PDIA3: variants seen among roughly 807,000 people sequenced by gnomAD.
The protein encoded by PDIA3 is protein disulfide isomerase family A member 3.
A neutral mutation model predicts 56.9 loss-of-function variants in PDIA3; 16 were observed. The ratio of observed to expected loss-of-function variants is 0.28; its 90% CI spans 0.19 to 0.43. The LOEUF is 0.43. Among genes scored for constraint, PDIA3 ranks in the 20% least tolerant of loss-of-function variants. The pLI is 1.00. For missense variants in PDIA3, 485 were observed against 621.3 expected, an observed-to-expected ratio of 0.78 and a Z score of 2.33; for synonymous variants, 192 against 216.5, an observed-to-expected ratio of 0.89 and a Z score of 0.99.
At chr15:43,766,967 A>G in intron 8 of PDIA3, 57 bp downstream of exon 8, 15 of 1,424,468 alleles carry the variant, frequency 1.1e-5, no homozygotes, top group Non-Finnish European at 1.5e-5. Context: ...CTTTTATACT[A>G]CAAAGGATTT....
At chr15:43,762,435 C>T (rs941493282) in intron 4 of PDIA3, among the ~76,000 whole-genome samples, 3 of 150,468 alleles carry the variant, frequency 2.0e-5, no homozygotes, top group African/African-American at 4.9e-5. Context: ...CGCTTGAACC[C>T]GGGAGGCGGA....
intron 7 of PDIA3, 90 bp downstream of exon 7, chr15:43,766,102 T>C: frequency 9.6e-7 from 1 of 1,040,956 alleles, no homozygotes; most frequent in Non-Finnish European, 1.3e-6. Flanking sequence ...CTTAAGAATC[T>C]GTAAAACAAT....
At position 43,771,308 on chromosome 15, in the gene PDIA3, T is replaced by A; in HGVS notation, c.*90T>A. 2 of 771,862 alleles carry A rather than the reference T, an allele frequency of 2.6e-6. No homozygotes were observed. Among genetic ancestry groups the A allele is most frequent in the Non-Finnish European group, 4.4e-6 (2 of 456,166 alleles). The allele number at this position is 771,862 out of a possible 1,614,324, so 47.8% of individuals were successfully genotyped here. A position where few individuals can be genotyped will look rare whatever the true frequency, so the allele number is the denominator to read the frequency against. Reference sequence around the variant, plus strand: ...GGACTAGGACCCATATGGGAATTATTACCTCTCAGGGCCGAGAGGACAGAA... The same window carrying A: ...GGACTAGGACCCATATGGGAATTATAACCTCTCAGGGCCGAGAGGACAGAA... On this transcript the variant is annotated 3_prime_UTR_variant, in exon 13 of 13. Transcript: ENST00000300289.
chr15:43,755,372 T>C (rs10163069), intron 2 of PDIA3, among the ~76,000 whole-genome samples: 120,926 of 152,144 alleles, frequency 0.79, 48,670 homozygotes, highest in East Asian at 1. Flanking sequence ...CCTAAACTGC[T>C]ATGTGATAAT....
chr15:43,759,641 C>G (rs1201525321), intron 3 of PDIA3, among the ~76,000 whole-genome samples: 1 of 152,148 alleles, frequency 6.6e-6, no homozygotes, highest in African/African-American at 2.4e-5. Flanking sequence ...ACCCAAGTAT[C>G]TTATCAGTGA....
intron 1 of PDIA3, chr15:43,751,602 T>G: frequency 7.7e-7 from 1 of 1,304,112 alleles, no homozygotes; most frequent in Non-Finnish European, 1.0e-6. Flanking sequence ...CTGCTGGATT[T>G]GAAGAGGAGA....
chr15:43,771,339 A>G lies in PDIA3; in HGVS notation c.*121A>G. On this transcript the variant is annotated 3_prime_UTR_variant, in exon 13 of 13. Transcript: ENST00000300289. ...TCAGGGCCGAGAGGACAGAATGGAT[A>G]TAATCTGAATCCTGTTAAATTTTCT... 3.3e-6 allele frequency: 2 copies of G among 600,704 alleles called. No individual in the cohort carries two copies. The highest frequency in any genetic ancestry group is 4.4e-4 in the Middle Eastern group (1 of 2,260). The allele number at this position is 600,704 out of a possible 1,614,324, so 37.2% of individuals were successfully genotyped here.
chr15:43,750,171 ATTTTTTTTTT>A (rs781370240), intron 1 of PDIA3, among the ~76,000 whole-genome samples: 2 of 117,406 alleles, frequency 1.7e-5, no homozygotes, highest in Non-Finnish European at 3.6e-5. Flanking sequence ...TGTCTGGCTA[ATTTTTTTTTT>A]TTTTTTTTTT....
chr15:43,768,029 T>C (rs181369058), intron 8 of PDIA3, among the ~76,000 whole-genome samples: 180 of 152,014 alleles, frequency 1.2e-3, no homozygotes, highest in African/African-American at 4.1e-3. Context: ...TTCCCCCCCC[T>C]CATCCCTACA....
intron 1 of PDIA3, 98 bp downstream of exon 1, chr15:43,746,804 A>G (rs1227258405): frequency 7.6e-7 from 1 of 1,323,200 alleles, no homozygotes; most frequent in South Asian, 1.2e-5. Context: ...GGGGCCCTTC[A>G]TTCCTGTGGG....
chr15:43,752,932 G>A (rs1274659012), intron 1 of PDIA3: 1 of 466,484 alleles, frequency 2.1e-6, no homozygotes, highest in Non-Finnish European at 4.5e-6. Flanking sequence ...TGCTTCTGGT[G>A]GCCCTCTGGG....
chr15:43,749,252 C>T (rs1162589666), intron 1 of PDIA3, among the ~76,000 whole-genome samples: 1 of 151,980 alleles, frequency 6.6e-6, no homozygotes, highest in Non-Finnish European at 1.5e-5. Flanking sequence ...CACCACCAAG[C>T]CCGGCTAATT....
chr15:43,768,635 G>A lies in PDIA3; in HGVS notation c.1137+38G>A, dbSNP rs750524482. The A allele has an allele frequency of 8.4e-6, 11 of 1,306,730 alleles. No individual in the cohort carries two copies. The South Asian group carries it at 1.3e-4, about 15-fold the overall frequency. The allele number at this position is 1,306,730 out of a possible 1,614,324, so 80.9% of individuals were successfully genotyped here. A position where few individuals can be genotyped will look rare whatever the true frequency, so the allele number is the denominator to read the frequency against. On this transcript the variant is annotated intron_variant, in intron 9 of 12. Transcript: ENST00000300289. ...CAGCCTCATCAAGCTATGAGCAATT[G>A]CCTGTCCTCATTTCTTTGTTCCAAA...
rs539582066 is a variant in PDIA3, at chr15:43,759,146, C to T, written c.365-2278C>T. On this transcript the variant is annotated intron_variant, in intron 3 of 12. Transcript: ENST00000300289. The stretch of plus-strand genomic sequence containing the variant: ...TCTACTAAAAATACAAAAAATTAGC[C>T]GGGTGCAGTGGCGGGTGCCTGTAGT... 3.8e-4 allele frequency among the ~76,000 whole-genome samples: 58 copies of T among 152,032 alleles called. No individual in the cohort carries two copies. The South Asian group carries it at 5.6e-3, about 15-fold the overall frequency.
At chr15:43,759,634 C>G (rs2086801757) in intron 3 of PDIA3, among the ~76,000 whole-genome samples, 1 of 152,174 alleles carries the variant, frequency 6.6e-6, no homozygotes, top group African/African-American at 2.4e-5. Context: ...AGAAGTAACC[C>G]AAGTATCTTA....
At chr15:43,769,705 G>A in intron 10 of PDIA3, 59 bp downstream of exon 10, 1 of 1,574,698 alleles carries the variant, frequency 6.4e-7, no homozygotes, top group Non-Finnish European at 8.7e-7. Context: ...GTTTATGTAT[G>A]TATTCAGCAT....
Position 43,748,664 on chromosome 15 carries a change from G to T in PDIA3, c.167+1958G>T, listed in dbSNP as rs190342918. ...GAAAAAGTCATCCTCCACAATTTCA[G>T]CAAGAAAGATGAGTTTTCTGAATGA... On this transcript the variant is annotated intron_variant, in intron 1 of 12. Transcript: ENST00000300289. 3.3e-5 allele frequency among the ~76,000 whole-genome samples: 5 copies of T among 152,208 alleles called. No individual in the cohort carries two copies. The East Asian group carries it at 9.6e-4, about 29-fold the overall frequency.
At chr15:43,757,789 G>A (rs1032344265) in intron 3 of PDIA3, among the ~76,000 whole-genome samples, 6 of 151,586 alleles carry the variant, frequency 4.0e-5, no homozygotes, top group Non-Finnish European at 8.8e-5. Context: ...TTGAACCCAG[G>A]AGGCGGAGGT....
intron 1 of PDIA3, chr15:43,751,652 A>G (rs1179170400): frequency 1.1e-5 from 14 of 1,304,168 alleles, no homozygotes; most frequent in Non-Finnish European, 1.4e-5. Context: ...TGTGGATTTG[A>G]TGACCTTATG....
Sources: allele counts gnomAD v4.1 joint callset (sites outside exome capture counted in the v4.1 genomes callset), GRCh38; gene constraint gnomAD v4.1.1; transcripts MANE v1.5; gene names NCBI Gene and HGNC (gene_info 2026-07-23, HGNC 2026-07-21).